The following LRP1B variants were observed in gnomAD, a reference collection of about 807,000 sequenced individuals.
LRP1B encodes LDL receptor related protein 1B.
A neutral mutation model predicts 556.6 loss-of-function variants in LRP1B; 217 were observed. The ratio of observed to expected loss-of-function variants is 0.39; its 90% confidence interval spans 0.35 to 0.44. The LOEUF (loss-of-function observed/expected upper bound fraction) is 0.44. LRP1B is among the 20% of genes least tolerant of loss of function. LRP1B has a pLI of 1.00. For synonymous variants in LRP1B, 2,047 were observed against 1,865.8 expected, an observed-to-expected ratio of 1.10 and a Z score of -2.50; for missense variants, 5,053 against 5,620.8, an observed-to-expected ratio of 0.90 and a Z score of 3.23.
At position 141,009,883 on chromosome 2, in the gene LRP1B, AG is replaced by A. The variant is rs1364742035; in HGVS notation, c.2380+3672del. ...TAAATTGGCCACACAAATTAAACAT[AG>A]AAAAATACTTTCTGGTCAAACAGAT... is the stretch of plus-strand genomic sequence containing the variant. On this transcript the variant is annotated intron_variant, in intron 14 of 90. Coordinates refer to ENST00000389484, the MANE Select transcript of LRP1B (RefSeq NM_018557.3). 1.8e-4 allele frequency among the ~76,000 whole-genome samples: 28 copies of A among 152,194 alleles called. 3 individuals are homozygous for A. The Middle Eastern group carries it at 0.034, about 185-fold the overall frequency.
In LRP1B at chr2:140,352,936, A is replaced by G. The variant is rs764466686; in HGVS notation, c.11650+17T>C. 1.0e-5 allele frequency: 16 copies of G among 1,598,978 alleles called. No individual in the cohort carries two copies. The highest frequency in any genetic ancestry group is 1.4e-5 in the Non-Finnish European group (16 of 1,175,162). On this transcript the variant is annotated intron_variant, in intron 76 of 90. Transcript: ENST00000389484. ...ACAAAATTGTAATAGGATTTGCAATAGTGGTTATAATCTTACCTTCTGCTA... is the reference window on the plus strand; with the variant it reads ...ACAAAATTGTAATAGGATTTGCAATGGTGGTTATAATCTTACCTTCTGCTA...
chr2:141,355,154 GTGAAT>G (rs1688580417), intron 3 of LRP1B, among the ~76,000 whole-genome samples: 1 of 151,948 alleles, frequency 6.6e-6, no homozygotes, highest in Non-Finnish European at 1.5e-5. Flanking sequence ...CATGTACTAA[GTGAAT>G]TGAACAGAAA....
chr2:141,738,322 T>G (rs898990700), intron 2 of LRP1B, among the ~76,000 whole-genome samples: 25 of 152,158 alleles, frequency 1.6e-4, no homozygotes, highest in African/African-American at 6.0e-4. Context: ...AAAATCTAAA[T>G]GCTGTAATCA....
chr2:140,233,889 T>C (rs1359902365), intron 90 of LRP1B, among the ~76,000 whole-genome samples: 2 of 151,324 alleles, frequency 1.3e-5, no homozygotes, highest in African/African-American at 4.8e-5. Flanking sequence ...TTTTGGACTT[T>C]TTCAAAGAAT....
intron 16 of LRP1B, among the ~76,000 whole-genome samples, chr2:140,990,715 T>C (rs1420738710): frequency 1.3e-5 from 2 of 152,132 alleles, no homozygotes; most frequent in Non-Finnish European, 2.9e-5. Context: ...GCCATCTTAA[T>C]GTTAACCTTC....
At chr2:141,891,160 T>TA (rs111794996) in intron 1 of LRP1B, among the ~76,000 whole-genome samples, 6 of 152,202 alleles carry the variant, frequency 3.9e-5, no homozygotes, top group African/African-American at 1.2e-4. Flanking sequence ...AAACAACTTT[T>TA]GCCAGATAAA....
intron 37 of LRP1B, among the ~76,000 whole-genome samples, chr2:140,711,638 T>C (rs1406008983): frequency 1.3e-5 from 2 of 152,126 alleles, no homozygotes; most frequent in Non-Finnish European, 2.9e-5. Flanking sequence ...ATTCTAGAAA[T>C]CCATCCTGGC....
chr2:140,487,654 C>T lies in LRP1B; in HGVS notation c.9206G>A (p.Arg3069His), dbSNP rs142254534. The T allele has an allele frequency of 6.4e-5, 103 of 1,606,982 alleles. No homozygotes were observed. The East Asian group carries it at 9.2e-4, about 14-fold the overall frequency. The change falls in exon 58 of 91, where the codon CGC (arginine) becomes CAC (histidine). Residue 3069 changes from arginine to histidine, a missense_variant. Transcript: ENST00000389484. ...TCCATTTAAACACATTCTATTTATG[C>T]GACTGCCATTGGGTCGGCTAGAATC... is the stretch of plus-strand genomic sequence containing the variant. Reference protein sequence around the residue: ...WIDSSRPNGSRINRMCLNGSD... With the variant: ...WIDSSRPNGSHINRMCLNGSD...
At chr2:140,588,378 G>A (rs1442878821) in intron 43 of LRP1B, among the ~76,000 whole-genome samples, 1 of 152,128 alleles carries the variant, frequency 6.6e-6, no homozygotes, top group Non-Finnish European at 1.5e-5. Context: ...GATAAGTAAT[G>A]AATATATACT....
At chr2:141,777,577 G>T (rs1275077204) in intron 2 of LRP1B, among the ~76,000 whole-genome samples, 1 of 151,986 alleles carries the variant, frequency 6.6e-6, no homozygotes, top group South Asian at 2.1e-4. Flanking sequence ...CACCACACCC[G>T]GCTTATTTTG....
chr2:141,299,226 T>C (rs1686299630), intron 3 of LRP1B, among the ~76,000 whole-genome samples: 1 of 152,134 alleles, frequency 6.6e-6, no homozygotes, highest in South Asian at 2.1e-4. Flanking sequence ...TCTTAGGATG[T>C]GATAAGGCCT....
chr2:141,670,353 T>A (rs113479523), intron 2 of LRP1B, among the ~76,000 whole-genome samples: 2 of 152,146 alleles, frequency 1.3e-5, no homozygotes, highest in African/African-American at 4.8e-5. Context: ...ATATCACATA[T>A]TAACTGTGTA....
intron 18 of LRP1B, among the ~76,000 whole-genome samples, chr2:140,977,124 C>A (rs1019828190): frequency 1.3e-5 from 2 of 152,162 alleles, no homozygotes; most frequent in African/African-American, 2.4e-5. Context: ...CGTCCCCACC[C>A]AAGTCACATC....
At chr2:140,844,218 C>T (rs562893061) in intron 29 of LRP1B, among the ~76,000 whole-genome samples, 88 of 152,002 alleles carry the variant, frequency 5.8e-4, no homozygotes, top group African/African-American at 1.8e-3. Context: ...TGCGCCACCA[C>T]GCCCAGCTAA....
chr2:141,976,555 G>T (rs977149266), intron 1 of LRP1B, among the ~76,000 whole-genome samples: 1 of 152,052 alleles, frequency 6.6e-6, no homozygotes, highest in South Asian at 2.1e-4. Flanking sequence ...GATAATCTTA[G>T]CAGGACCAAT....
chr2:141,210,957 T>C (rs1682513480), intron 6 of LRP1B, among the ~76,000 whole-genome samples: 1 of 152,108 alleles, frequency 6.6e-6, no homozygotes, highest in Non-Finnish European at 1.5e-5. Context: ...TATAGCACAG[T>C]AGAGTGCTAA....
chr2:140,945,637 G>T (rs1695520220), intron 20 of LRP1B, among the ~76,000 whole-genome samples: 1 of 152,054 alleles, frequency 6.6e-6, no homozygotes, highest in Admixed American at 6.6e-5. Flanking sequence ...AAATGGCGTT[G>T]GGAGCATTGG....
In LRP1B at chr2:141,348,240, CA is replaced by C. The variant is rs537721502; in HGVS notation, c.344-93600del. Among the ~76,000 whole-genome samples, 1,041 of 152,022 alleles carry C rather than the reference CA, an allele frequency of 6.8e-3. 20 individuals carry two copies. The highest frequency in any genetic ancestry group is 0.024 in the African/African-American group (998 of 41,432). ...GTACCTGTAAGATTTGAAAAAGCAA[CA>C]AACCGCCAGTTAGGTGAAGAGAGGG... On this transcript the variant is annotated intron_variant, in intron 3 of 90. Transcript: ENST00000389484.
At chr2:140,774,262 G>A (rs1175885493) in intron 33 of LRP1B, among the ~76,000 whole-genome samples, 1 of 151,922 alleles carries the variant, frequency 6.6e-6, no homozygotes, top group East Asian at 1.9e-4. Context: ...TAGTCATATT[G>A]TACCATTGAT....
Sources: gnomAD v4.1 joint callset for allele counts (sites outside exome capture counted in the v4.1 genomes callset) on GRCh38, gnomAD v4.1.1 for gene constraint, MANE v1.5 for transcripts, NCBI Gene and HGNC (gene_info 2026-07-23, HGNC 2026-07-21) for gene names.